The following KIAA1217 variants were observed in gnomAD, a reference collection of about 807,000 sequenced individuals.
KIAA1217 encodes sickle tail protein homolog.
A neutral mutation model predicts 163.9 loss-of-function variants in KIAA1217; 88 were observed. The observed-to-expected ratio is 0.54, with a 90% CI of 0.45 to 0.64. The LOEUF is 0.64. KIAA1217 is among the 30% of genes least tolerant of loss of function. The pLI is 0.00. For synonymous variants in KIAA1217, 903 were observed against 923.1 expected (o/e 0.98, Z 0.39); for missense variants, 2,372 against 2,475.0 (o/e 0.96, Z 0.88).
At chr10:24,081,643 G>T (rs2061541735) in intron 2 of KIAA1217, among the ~76,000 whole-genome samples, 1 of 151,924 alleles carries the variant, frequency 6.6e-6, no homozygotes, top group Non-Finnish European at 1.5e-5. Context: ...GGCTTCCCTG[G>T]GCCACATTGG....
At chr10:23,867,949 T>C (rs919889810) in intron 1 of KIAA1217, among the ~76,000 whole-genome samples, 7 of 152,318 alleles carry the variant, frequency 4.6e-5, no homozygotes, top group Admixed American at 1.3e-4. Context: ...TGAATGGTAA[T>C]GCCTAGGTTT....
chr10:24,391,459 T>C (rs529717319), intron 3 of KIAA1217, among the ~76,000 whole-genome samples: 64 of 150,928 alleles, frequency 4.2e-4, no homozygotes, highest in African/African-American at 1.6e-3. Context: ...ATTCTTGTGC[T>C]TCAGCCTCCT....
chr10:23,855,855 G>A (rs149675137), intron 1 of KIAA1217, among the ~76,000 whole-genome samples: 1,922 of 152,086 alleles, frequency 0.013, 13 homozygotes, highest in Middle Eastern at 0.044. Flanking sequence ...CTTGGCTTTC[G>A]GCTCCATCAG....
chr10:24,312,417 A>G (rs1352186728), intron 2 of KIAA1217, among the ~76,000 whole-genome samples: 1 of 152,154 alleles, frequency 6.6e-6, no homozygotes, highest in East Asian at 1.9e-4. Context: ...GGAGTTCGAG[A>G]TCAGCCTGGG....
At chr10:24,005,513 A>G (rs963447792) in intron 1 of KIAA1217, among the ~76,000 whole-genome samples, 1 of 152,232 alleles carries the variant, frequency 6.6e-6, no homozygotes, top group Admixed American at 6.5e-5. Context: ...GAAGGATCCC[A>G]GACTTTGAAG....
intron 5 of KIAA1217, among the ~76,000 whole-genome samples, chr10:24,472,363 A>T (rs1413321263): frequency 6.6e-6 from 1 of 152,162 alleles, no homozygotes; most frequent in Non-Finnish European, 1.5e-5. Context: ...GGCTCAAATG[A>T]AGAGTTGGTG....
intron 2 of KIAA1217, among the ~76,000 whole-genome samples, chr10:24,342,422 A>C (rs186174972): frequency 6.6e-6 from 1 of 152,330 alleles, no homozygotes; most frequent in African/African-American, 2.4e-5. Flanking sequence ...TCACAAAGTT[A>C]AAAGCTTCTA....
intron 6 of KIAA1217, among the ~76,000 whole-genome samples, chr10:24,492,970 C>T (rs371174622): frequency 1.4e-4 from 21 of 152,118 alleles, no homozygotes; most frequent in Admixed American, 3.9e-4. Flanking sequence ...CTCAGCCTCC[C>T]GAGTAGCTGG....
chr10:24,302,677 G>A (rs1291268586), intron 2 of KIAA1217, among the ~76,000 whole-genome samples: 1 of 151,994 alleles, frequency 6.6e-6, no homozygotes, highest in Non-Finnish European at 1.5e-5. Flanking sequence ...TGCAGTATAA[G>A]TGCTATGAAA....
At chr10:24,329,895 A>G (rs1001947773) in intron 2 of KIAA1217, among the ~76,000 whole-genome samples, 1 of 152,212 alleles carries the variant, frequency 6.6e-6, no homozygotes, top group African/African-American at 2.4e-5. Flanking sequence ...CCTAAAATAT[A>G]GGAAATTATG....
intron 2 of KIAA1217, among the ~76,000 whole-genome samples, chr10:24,356,851 G>T (rs2049178255): frequency 6.6e-6 from 1 of 152,196 alleles, no homozygotes; most frequent in Non-Finnish European, 1.5e-5. Context: ...CCAGACTGTG[G>T]TATTCTGTTA....
At chr10:24,304,411 G>A (rs1254563479) in intron 2 of KIAA1217, among the ~76,000 whole-genome samples, 1 of 152,006 alleles carries the variant, frequency 6.6e-6, no homozygotes, top group South Asian at 2.1e-4. Flanking sequence ...AGGCTGGACT[G>A]CATGGGGCAT....
At chr10:24,064,450 T>C (rs899468519) in intron 2 of KIAA1217, among the ~76,000 whole-genome samples, 2 of 152,204 alleles carry the variant, frequency 1.3e-5, no homozygotes, top group African/African-American at 4.8e-5. Context: ...CGTTTATTGA[T>C]TTGCATATGT....
At chr10:24,329,706 C>G (rs1376529422) in intron 2 of KIAA1217, among the ~76,000 whole-genome samples, 6 of 152,138 alleles carry the variant, frequency 3.9e-5, no homozygotes, top group African/African-American at 1.4e-4. Context: ...GTGTAATGTA[C>G]TTAGTACAGT....
intron 1 of KIAA1217, among the ~76,000 whole-genome samples, chr10:23,766,428 G>A (rs910137570): frequency 6.6e-6 from 1 of 152,156 alleles, no homozygotes; most frequent in African/African-American, 2.4e-5. Flanking sequence ...CAGTCCTAAT[G>A]TTAACTGAAT....
chr10:23,914,712 C>T (rs1287833144), intron 1 of KIAA1217, among the ~76,000 whole-genome samples: 1 of 152,166 alleles, frequency 6.6e-6, no homozygotes, highest in African/African-American at 2.4e-5. Context: ...TCTTTCACTC[C>T]AGCCCAGGTT....
At chr10:23,779,438 C>A (rs1489762516) in intron 1 of KIAA1217, among the ~76,000 whole-genome samples, 1 of 152,108 alleles carries the variant, frequency 6.6e-6, no homozygotes, top group Non-Finnish European at 1.5e-5. Context: ...AAATAGCCTC[C>A]AGAGTTGCTT....
At chr10:23,951,789 T>G (rs1312895696) in intron 1 of KIAA1217, among the ~76,000 whole-genome samples, 1 of 152,216 alleles carries the variant, frequency 6.6e-6, no homozygotes, top group Non-Finnish European at 1.5e-5. Context: ...AATAGCATTT[T>G]CCAAATGGAA....
chr10:24,322,469 G>C (rs2044301641), intron 2 of KIAA1217, among the ~76,000 whole-genome samples: 1 of 152,108 alleles, frequency 6.6e-6, no homozygotes, highest in Non-Finnish European at 1.5e-5. Context: ...GGGAGGAGCA[G>C]GGAAGCACCA....
Sources: gnomAD v4.1 joint callset for allele counts (sites outside exome capture counted in the v4.1 genomes callset) on GRCh38, gnomAD v4.1.1 for gene constraint, MANE v1.5 for transcripts, NCBI Gene and HGNC (gene_info 2026-07-23, HGNC 2026-07-21) for gene names.